Variants in EPS8 observed in about 807,000 individuals in gnomAD.
EPS8 encodes the protein EGFR pathway substrate 8, signaling adaptor, also known as epidermal growth factor receptor kinase substrate 8.
EPS8 carries 42 observed loss-of-function variants against 103.8 expected under a neutral mutation model. That is an observed-to-expected ratio of 0.40 (90% CI 0.32 to 0.52). EPS8 has a LOEUF of 0.52. Among genes scored for constraint, EPS8 ranks in the 20% least tolerant of loss-of-function variants. The probability of loss-of-function intolerance (pLI) is 0.40; values close to 1 mark genes in which losing one functional copy is unlikely to be tolerated. For synonymous variants in EPS8, 344 were observed against 344.6 expected, an observed-to-expected ratio of 1.00 and a Z score of 0.02; for missense variants, 969 against 1,005.1, an observed-to-expected ratio of 0.96 and a Z score of 0.49.
Position 15,760,355 on chromosome 12 carries a change from T to A in EPS8, c.-22+28806A>T, listed in dbSNP as rs1947028871. On this transcript the variant is annotated intron_variant, in intron 1 of 20. Transcript: ENST00000281172. This position sits in a 1 kb window ranked among gnomAD's most constrained non-coding sequence, Gnocchi z 4.5. Reference sequence around the variant, plus strand: ...AAAGCCCAAGACCCAATGGCTTCACTGCTAAATTCTACAAAACATTTAAAG... The same window carrying A: ...AAAGCCCAAGACCCAATGGCTTCACAGCTAAATTCTACAAAACATTTAAAG... 6.6e-6 allele frequency among the ~76,000 whole-genome samples: 1 copy of A among 152,110 alleles called. No individual in the cohort carries two copies. The highest frequency in any genetic ancestry group is 2.4e-5 in the African/African-American group (1 of 41,454).
At chr12:15,685,633 G>C (rs1946083248) in intron 1 of EPS8, among the ~76,000 whole-genome samples, 1 of 152,170 alleles carries the variant, frequency 6.6e-6, no homozygotes, top group Non-Finnish European at 1.5e-5. Context: ...TTGCTAAATT[G>C]AATTTTAAAT....
intron 1 of EPS8, among the ~76,000 whole-genome samples, chr12:15,768,315 G>A (rs1947117910): frequency 6.8e-6 from 1 of 147,996 alleles, no homozygotes. Flanking sequence ...GCGGGCACCT[G>A]TAATCCCAGC....
At position 15,751,844 on chromosome 12, in the gene EPS8, C is replaced by T. The variant is rs1267629183; in HGVS notation, c.-22+37317G>A. Among the ~76,000 whole-genome samples, 1 of 151,914 alleles carries T rather than the reference C, an allele frequency of 6.6e-6. No individual in the cohort carries two copies. The highest frequency in any genetic ancestry group is 2.4e-5 in the African/African-American group (1 of 41,322). On this transcript the variant is annotated intron_variant, in intron 1 of 20. Transcript: ENST00000281172. The surrounding 1 kb of genome is among the most constrained non-coding windows in gnomAD (Gnocchi z 4.3). ...TTAACTAGACTTCTGATGAAGTCTC[C>T]CTTACATGATAAAATACACTGAGAC...
intron 1 of EPS8, among the ~76,000 whole-genome samples, chr12:15,783,905 C>T (rs1157546771): frequency 6.6e-6 from 1 of 151,838 alleles, no homozygotes; most frequent in East Asian, 1.9e-4. Context: ...AATTTATAAT[C>T]TATTAATTTA....
intron 1 of EPS8, among the ~76,000 whole-genome samples, chr12:15,774,003 A>C (rs1044332089): frequency 6.6e-6 from 1 of 152,108 alleles, no homozygotes; most frequent in African/African-American, 2.4e-5. Flanking sequence ...TCTTCTTTGG[A>C]TAGTCGAGCA....
chr12:15,717,711 CTTAAA>C lies in EPS8; in HGVS notation c.-21-34744_-21-34740del, dbSNP rs1244158649. Among the ~76,000 whole-genome samples the C allele has an allele frequency of 2.0e-5, 3 of 152,144 alleles. No individual in the cohort carries two copies. Among genetic ancestry groups the C allele is most frequent in the East Asian group, 3.9e-4 (2 of 5,186 alleles). ...AGTTATTTAGAAGAGTGAGACCATACTTAAATTAAGTGTATAGATGGCATTAGTAG... is the reference window on the plus strand; with the variant it reads ...AGTTATTTAGAAGAGTGAGACCATACTTAAGTGTATAGATGGCATTAGTAG... On this transcript the variant is annotated intron_variant, in intron 1 of 20. Coordinates refer to ENST00000281172, the MANE Select transcript of EPS8 (RefSeq NM_004447.6). The surrounding 1 kb of genome is among the most constrained non-coding windows in gnomAD (Gnocchi z 4.3).
intron 17 of EPS8, among the ~76,000 whole-genome samples, chr12:15,636,690 T>C (rs999668282): frequency 6.6e-6 from 1 of 152,174 alleles, no homozygotes; most frequent in East Asian, 1.9e-4. Flanking sequence ...TGACTGTCCC[T>C]TTTTTTAAGT....
At chr12:15,661,261 T>C (rs1483799176) in intron 9 of EPS8, among the ~76,000 whole-genome samples, 1 of 152,182 alleles carries the variant, frequency 6.6e-6, no homozygotes, top group Non-Finnish European at 1.5e-5. Flanking sequence ...TGGAATGAAT[T>C]TGATTATCTT....
In EPS8 at chr12:15,781,995, T is replaced by C. The variant is rs1731379082; in HGVS notation, c.-22+7166A>G. The C allele has an allele frequency of 1.3e-5, 2 of 152,156 alleles. No homozygotes were observed. Among genetic ancestry groups the C allele is most frequent in the Admixed American group, 6.5e-5 (1 of 15,274 alleles). 9.4% of individuals were successfully genotyped at this position (152,156 alleles called of 1,614,324 possible). A position where few individuals can be genotyped will look rare whatever the true frequency, so the allele number is the denominator to read the frequency against. On this transcript the variant is annotated intron_variant, in intron 1 of 20. Coordinates refer to ENST00000281172, the MANE Select transcript of EPS8 (RefSeq NM_004447.6). This position sits in a 1 kb window ranked among gnomAD's most constrained non-coding sequence, Gnocchi z 4.1. ...GGCCTCACCTCTCAACACTCTCACA[T>C]TGAGGATGAAATTTCAACATGAGTT... is the stretch of plus-strand genomic sequence containing the variant.
rs563774546 is a variant in EPS8 at position 15,749,015 on chromosome 12, TAG to T, written c.-22+40144_-22+40145del. On this transcript the variant is annotated intron_variant, in intron 1 of 20. Transcript: ENST00000281172. The surrounding 1 kb of genome is among the most constrained non-coding windows in gnomAD (Gnocchi z 4.0). ...AAGCAAATACTGAGACAACTGATGC[TAG>T]AGAGAACTTAAGGCCCTTTTAACTA... is the stretch of plus-strand genomic sequence containing the variant. Among the ~76,000 whole-genome samples the T allele has an allele frequency of 5.1e-4, 77 of 152,300 alleles. No homozygotes were observed. The East Asian group carries it at 0.013, about 26-fold the overall frequency.
intron 14 of EPS8, among the ~76,000 whole-genome samples, chr12:15,650,027 G>A (rs1008280974): frequency 4.6e-5 from 7 of 152,140 alleles, no homozygotes; most frequent in African/African-American, 1.7e-4. Context: ...TTTAATCAAT[G>A]TTCAATGTTC....
At position 15,725,120 on chromosome 12, in the gene EPS8, T is replaced by C. The variant is rs1946638585; in HGVS notation, c.-21-42148A>G. The stretch of plus-strand genomic sequence containing the variant: ...TTTCAAGGTAAATGTCATTCTGCAT[T>C]CCAATAGGATACCACCAGTCCACAG... On this transcript the variant is annotated intron_variant, in intron 1 of 20. Transcript: ENST00000281172. The surrounding 1 kb of genome is among the most constrained non-coding windows in gnomAD (Gnocchi z 4.5). Among the ~76,000 whole-genome samples the C allele has an allele frequency of 6.6e-6, 1 of 152,102 alleles. No homozygotes were observed. Among genetic ancestry groups the C allele is most frequent in the African/African-American group, 2.4e-5 (1 of 41,416 alleles).
intron 20 of EPS8, 58 bp downstream of exon 20, chr12:15,623,100 G>T: frequency 6.5e-7 from 1 of 1,531,578 alleles, no homozygotes; most frequent in Non-Finnish European, 8.8e-7. Flanking sequence ...GACATAAATA[G>T]TTGTTTCCAG....
Position 15,728,408 on chromosome 12 carries a change from G to C in EPS8, c.-21-45436C>G, listed in dbSNP as rs1344671251. The C allele has an allele frequency of 1.3e-5, 2 of 152,160 alleles. No homozygotes were observed. The highest frequency in any genetic ancestry group is 4.8e-5 in the African/African-American group (2 of 41,432). 9.4% of individuals were successfully genotyped at this position (152,160 alleles called of 1,614,324 possible). ...GATGAAGCTTAAAGAAACTACAGCA[G>C]TGGCCCTTTTAAGAACACTGGATCC... On this transcript the variant is annotated intron_variant, in intron 1 of 20. Transcript: ENST00000281172. The surrounding 1 kb of genome is among the most constrained non-coding windows in gnomAD (Gnocchi z 4.5).
Position 15,647,133 on chromosome 12 carries a change from A to G in EPS8, c.1562T>C (p.Ile521Thr), listed in dbSNP as rs142970269. Residue 521 changes from isoleucine (I) to threonine (T), a missense_variant, in exon 15 of 21, where the codon ATA (isoleucine) becomes ACA (threonine). Transcript: ENST00000281172. ...GGTGCCCATTAAATGTTACCTATCT[A>G]TATGGCGATTAGAAGTTGGCTTAAA... ...VAFKPTSNRHIDRNYEPLKTQ... is the reference protein window; with the variant it reads ...VAFKPTSNRHTDRNYEPLKTQ... The G allele has an allele frequency of 1.7e-5, 27 of 1,613,612 alleles. No homozygotes were observed. The African/African-American group carries it at 2.9e-4, about 18-fold the overall frequency.
Position 15,731,321 on chromosome 12 carries a change from T to G in EPS8, c.-21-48349A>C, listed in dbSNP as rs1946713862. 6.6e-6 allele frequency among the ~76,000 whole-genome samples: 1 copy of G among 152,038 alleles called. No homozygotes were observed. The highest frequency in any genetic ancestry group is 1.5e-5 in the Non-Finnish European group (1 of 67,974). ...TTTAATTGACTTTTTTTTTTTTAGATGGAGTCTCACTGTGTTGCCCAGGCT... is the reference window on the plus strand; with the variant it reads ...TTTAATTGACTTTTTTTTTTTTAGAGGGAGTCTCACTGTGTTGCCCAGGCT... On this transcript the variant is annotated intron_variant, in intron 1 of 20. Coordinates refer to ENST00000281172, the MANE Select transcript of EPS8 (RefSeq NM_004447.6). This position sits in a 1 kb window ranked among gnomAD's most constrained non-coding sequence, Gnocchi z 5.1.
Position 15,713,784 on chromosome 12 carries a change from A to G in EPS8, c.-21-30812T>C, listed in dbSNP as rs1946497705. Among the ~76,000 whole-genome samples, 2 of 152,224 alleles carry G rather than the reference A, an allele frequency of 1.3e-5. No individual in the cohort carries two copies. Among genetic ancestry groups the G allele is most frequent in the Admixed American group, 1.3e-4 (2 of 15,278 alleles). ...GGTGTCGGGGAGGAGAAATTCACTC[A>G]TAGTCATATTAAGACTTAAGAGAGC... On this transcript the variant is annotated intron_variant, in intron 1 of 20. Coordinates refer to ENST00000281172, the MANE Select transcript of EPS8 (RefSeq NM_004447.6). This position sits in a 1 kb window ranked among gnomAD's most constrained non-coding sequence, Gnocchi z 4.8.
intron 1 of EPS8, 77 bp from the exon 2 acceptor site, chr12:15,683,049 C>T: frequency 1.4e-6 from 1 of 691,802 alleles, no homozygotes; most frequent in Non-Finnish European, 2.4e-6. Context: ...ATTCATTCAA[C>T]AAATATGTGT....
At chr12:15,666,618 C>T (rs891091482) in intron 6 of EPS8, 96 bp from the exon 7 acceptor site, 1 of 816,426 alleles carries the variant, frequency 1.2e-6, no homozygotes, top group Non-Finnish European at 2.0e-6. Flanking sequence ...TTGTCTGAAT[C>T]AGTAAGTATC....
Sources: allele counts gnomAD v4.1 joint callset (sites outside exome capture counted in the v4.1 genomes callset), GRCh38; gene constraint gnomAD v4.1.1; non-coding constraint Gnocchi (gnomAD v3.1); transcripts MANE v1.5; gene names NCBI Gene and HGNC (gene_info 2026-07-23, HGNC 2026-07-21).